Variants in LUZP4 observed in about 807,000 individuals in gnomAD.
The protein encoded by LUZP4 is HOM-TES-85 tumor antigen.
A neutral mutation model predicts 8.5 loss-of-function variants in LUZP4; 11 were observed. The ratio of observed to expected loss-of-function variants is 1.30; its 90% CI spans 0.82 to 2.14. The LOEUF (loss-of-function observed/expected upper bound fraction) is 2.14, where lower values mean the gene tolerates loss of function less well. Among genes scored for constraint, LUZP4 ranks in the 30% most tolerant of loss-of-function variants. The pLI, the probability that LUZP4 is intolerant of heterozygous loss-of-function variation, is 0.00. For missense variants in LUZP4, 276 were observed against 229.7 expected (o/e 1.20, Z -1.30); for synonymous variants, 104 against 79.4 (o/e 1.31, Z -1.65).
chrX:115,302,008 T>G lies in LUZP4; in HGVS notation c.108T>G (p.Tyr36Ter), dbSNP rs1556601753. 1 of 1,155,880 alleles carries G rather than the reference T, an allele frequency of 8.7e-7. No homozygotes were observed. Among genetic ancestry groups the G allele is most frequent in the Non-Finnish European group, 1.2e-6 (1 of 860,177 alleles). ...LDMSLDDIII[Y>*]KELEGTNAEE... ...CTAATACAGACGACATTATAATCTA[T>G]AAAGAGTTAGAAGGGACAAATGCTG... The change falls in exon 2 of 4, where the codon TAT becomes TAG. Residue 36 changes from tyrosine (Y) to a stop codon, truncating the protein, a stop_gained. Transcript: ENST00000371920. LOFTEE classifies it high-confidence loss of function.
Position 115,306,214 on chromosome X carries a change from A to G in LUZP4, c.352A>G (p.Ser118Gly). The change falls in exon 4 of 4, where the codon AGT becomes GGT. Residue 118 changes from serine to glycine, a missense_variant. Ser to Gly is a moderately conservative substitution (Grantham distance 56). Transcript: ENST00000371920. The part of the protein sequence containing the change: ...GQPLIEQEKC[S>G]DNYEAQAEKN... ...TTGGGATCCTTTTCAGGAGAAGTGC[A>G]GTGACAATTATGAGGCCCAAGCAGA... 8.3e-7 allele frequency: 1 copy of G among 1,207,714 alleles called. No homozygotes were observed. Among genetic ancestry groups the G allele is most frequent in the Non-Finnish European group, 1.1e-6 (1 of 893,233 alleles).
chrX:115,303,680 T>C (rs782274250), intron 3 of LUZP4, among the ~76,000 whole-genome samples: 22 of 112,424 alleles, frequency 2.0e-4, no homozygotes, highest in African/African-American at 7.1e-4. Flanking sequence ...TTATTAATTA[T>C]TGTCATTAAT....
At chrX:115,293,602 A>C (rs781930851) in intron 1 of LUZP4, among the ~76,000 whole-genome samples, 1 of 111,143 alleles carries the variant, frequency 9.0e-6, no homozygotes, top group African/African-American at 3.3e-5. Flanking sequence ...TTTTTTAAAA[A>C]AAAAGCTTGA....
intron 3 of LUZP4, among the ~76,000 whole-genome samples, chrX:115,304,827 A>G (rs1003049776): frequency 9.0e-6 from 1 of 111,724 alleles, no homozygotes; most frequent in African/African-American, 3.2e-5. Flanking sequence ...AAAGAAATGT[A>G]TTAAAATTTA....
In LUZP4 at chrX:115,303,302, T is replaced by A; in HGVS notation, c.226T>A (p.Tyr76Asn). Reference sequence around the variant, plus strand: ...CAGAAAATATTTATTTTTCAAAGGCTACTCAAGATGCAGAAGCAACTCTGA... The same window carrying A: ...CAGAAAATATTTATTTTTCAAAGGCAACTCAAGATGCAGAAGCAACTCTGA... ...KAHRHRHRRG[Y>N]SRCRSNSEEG... is the part of the protein sequence containing the mutation. Residue 76 changes from tyrosine (Y) to asparagine (N), a missense_variant and splice_region_variant, in exon 3 of 4, where the codon TAC becomes AAC. Physicochemically the swap from Tyr to Asn is moderately radical, Grantham distance 143. Coordinates refer to ENST00000371920, the MANE Select transcript of LUZP4 (RefSeq NM_016383.5). 1 of 1,079,159 alleles carries A rather than the reference T, an allele frequency of 9.3e-7. No homozygotes were observed. Among genetic ancestry groups the A allele is most frequent in the Non-Finnish European group, 1.3e-6 (1 of 788,264 alleles). 88.9% of individuals were successfully genotyped at this position (1,079,159 alleles called of 1,213,427 possible).
Position 115,306,923 on chromosome X carries a change from G to T in LUZP4, c.*119G>T. On this transcript the variant is annotated 3_prime_UTR_variant, in exon 4 of 4. Transcript: ENST00000371920. The stretch of plus-strand genomic sequence containing the variant: ...GGACAAAGACATAAATATTAGAATG[G>T]AGGTAATACATACATAGTATCAATA... The T allele has an allele frequency of 3.0e-6, 2 of 657,372 alleles. No homozygotes were observed. The highest frequency in any genetic ancestry group is 4.7e-6 in the Non-Finnish European group (2 of 427,204). 54.2% of individuals were successfully genotyped at this position (657,372 alleles called of 1,213,427 possible).
intron 2 of LUZP4, among the ~76,000 whole-genome samples, chrX:115,302,662 T>C (rs2073402840): frequency 8.9e-6 from 1 of 112,924 alleles, no homozygotes; most frequent in Non-Finnish European, 1.9e-5. Context: ...CATAATCTAG[T>C]CAACAGATTG....
In LUZP4 at chrX:115,306,360, A is replaced by G. The variant is rs371221206; in HGVS notation, c.498A>G (p.Leu166=). The change falls in exon 4 of 4, where the codon TTA becomes TTG. Residue 166 remains leucine, a synonymous_variant. Coordinates refer to ENST00000371920, the MANE Select transcript of LUZP4 (RefSeq NM_016383.5). ...NHHSERSRNH[L]ERSLSQSDRS... The stretch of plus-strand genomic sequence containing the variant: ...ATTCTGAGCGATCCCGAAACCACTT[A>G]GAGAGATCTCTTTCTCAGTCAGACA... The G allele has an allele frequency of 3.2e-5, 39 of 1,209,308 alleles. 1 individual carries two copies. In the African/African-American group the frequency reaches 4.9e-4, roughly 15 times the overall value.
chrX:115,306,243 G>T lies in LUZP4; in HGVS notation c.381G>T (p.Lys127Asn). The T allele has an allele frequency of 8.3e-7, 1 of 1,210,357 alleles. No homozygotes were observed. Among genetic ancestry groups the T allele is most frequent in the Non-Finnish European group, 1.1e-6 (1 of 894,611 alleles). The change falls in exon 4 of 4, where the codon AAG (lysine) becomes AAT (asparagine). Residue 127 changes from lysine to asparagine, a missense_variant. Lys to Asn is a moderately conservative substitution (Grantham distance 94). Coordinates refer to ENST00000371920, the MANE Select transcript of LUZP4 (RefSeq NM_016383.5). ...CSDNYEAQAEKNQGQSEGNQH... is the reference protein window; with the variant it reads ...CSDNYEAQAENNQGQSEGNQH... ...ACAATTATGAGGCCCAAGCAGAGAA[G>T]AATCAAGGCCAGTCAGAGGGGAACC...
intron 1 of LUZP4, among the ~76,000 whole-genome samples, chrX:115,291,352 G>T (rs1302837653): frequency 9.0e-6 from 1 of 111,558 alleles, no homozygotes; most frequent in Non-Finnish European, 1.9e-5. Flanking sequence ...TCCCGGCTCG[G>T]CCTCCCAAAA....
At chrX:115,302,449 G>T (rs1556601985) in intron 2 of LUZP4, among the ~76,000 whole-genome samples, 2 of 112,091 alleles carry the variant, frequency 1.8e-5, no homozygotes, top group East Asian at 5.6e-4. Flanking sequence ...AATACAGGAG[G>T]GTTAAGAGCA....
chrX:115,302,696 C>G (rs1357394259), intron 2 of LUZP4, among the ~76,000 whole-genome samples: 3 of 112,777 alleles, frequency 2.7e-5, no homozygotes, highest in Non-Finnish European at 5.6e-5. Context: ...ATTGTGATTA[C>G]TATAAGCCCC....
chrX:115,291,218 G>GTAGGTGGAT (rs782037456), intron 1 of LUZP4, among the ~76,000 whole-genome samples: 1 of 111,252 alleles, frequency 9.0e-6, no homozygotes, highest in Non-Finnish European at 1.9e-5. Flanking sequence ...TACCACCTCA[G>GTAGGTGGAT]CCTCTCGAGT....
rs782516568 is a variant in LUZP4, at chrX:115,306,207, G to A, written c.345G>A (p.Glu115=). ...PLNGQPLIEQ[E]KCSDNYEAQA... Reference sequence around the variant, plus strand: ...TGAATAATTGGGATCCTTTTCAGGAGAAGTGCAGTGACAATTATGAGGCCC... The same window carrying A: ...TGAATAATTGGGATCCTTTTCAGGAAAAGTGCAGTGACAATTATGAGGCCC... Residue 115 remains glutamate (E), a splice_region_variant and synonymous_variant, in exon 4 of 4, where the codon GAG becomes GAA. Coordinates refer to ENST00000371920, the MANE Select transcript of LUZP4 (RefSeq NM_016383.5). 17 of 1,204,381 alleles carry A rather than the reference G, an allele frequency of 1.4e-5. No individual in the cohort carries two copies. In the South Asian group the frequency reaches 3.0e-4, roughly 21 times the overall value.
At chrX:115,301,894 G>A in intron 1 of LUZP4, 98 bp from the exon 2 acceptor site, 3 of 463,677 alleles carry the variant, frequency 6.5e-6, no homozygotes, top group Admixed American at 4.6e-5. Context: ...CAGTTTTTAG[G>A]TATTCTGAAA....
intron 1 of LUZP4, among the ~76,000 whole-genome samples, chrX:115,299,243 G>A (rs2073384619): frequency 1.8e-5 from 2 of 111,264 alleles, no homozygotes; most frequent in South Asian, 3.9e-4. Flanking sequence ...GGTCAGACCC[G>A]AAGCCAGCAC....
Position 115,306,254 on chromosome X carries a change from A to G in LUZP4, c.392A>G (p.Gln131Arg), listed in dbSNP as rs782423304. 4.1e-6 allele frequency: 5 copies of G among 1,210,527 alleles called. No homozygotes were observed. The highest frequency in any genetic ancestry group is 5.6e-6 in the Non-Finnish European group (5 of 894,481). The change falls in exon 4 of 4, where the codon CAG (glutamine) becomes CGG (arginine). Residue 131 changes from glutamine to arginine, a missense_variant. Physicochemically the swap from Gln to Arg is conservative, Grantham distance 43. Coordinates refer to ENST00000371920, the MANE Select transcript of LUZP4 (RefSeq NM_016383.5). ...YEAQAEKNQG[Q>R]SEGNQHQSEG... Reference sequence around the variant, plus strand: ...GCCCAAGCAGAGAAGAATCAAGGCCAGTCAGAGGGGAACCAGCATCAATCA... The same window carrying G: ...GCCCAAGCAGAGAAGAATCAAGGCCGGTCAGAGGGGAACCAGCATCAATCA...
chrX:115,303,562 C>G (rs1440492373), intron 3 of LUZP4, 144 bp downstream of exon 3: 2 of 274,112 alleles, frequency 7.3e-6, no homozygotes, highest in African/African-American at 5.7e-5. Flanking sequence ...ATTTTAAATT[C>G]AATGTTTATT....
intron 1 of LUZP4, among the ~76,000 whole-genome samples, chrX:115,295,909 G>T (rs976996860): frequency 8.9e-5 from 10 of 112,041 alleles, no homozygotes; most frequent in Admixed American, 3.8e-4. Flanking sequence ...TCTGTGCTAG[G>T]CACTTAGTAC....
Sources: allele counts gnomAD v4.1 joint callset (sites outside exome capture counted in the v4.1 genomes callset), GRCh38; gene constraint gnomAD v4.1.1; transcripts MANE v1.5; gene names NCBI Gene and HGNC (gene_info 2026-07-23, HGNC 2026-07-21).